Variants in AAMDC observed in about 807,000 individuals in gnomAD.
The protein encoded by AAMDC is adipogenesis associated Mth938 domain containing, also known as mth938 domain-containing protein.
AAMDC carries 16 observed loss-of-function variants against 15.5 expected under a neutral mutation model. The observed-to-expected ratio is 1.03, with a 90% CI of 0.70 to 1.57. The LOEUF (loss-of-function observed/expected upper bound fraction) is 1.57, where lower values mean the gene tolerates loss of function less well. AAMDC is among the 40% of genes most tolerant of loss of function. The pLI is 0.00. For missense variants in AAMDC, 141 were observed against 144.9 expected, an observed-to-expected ratio of 0.97 and a Z score of 0.14; for synonymous variants, 51 against 51.6, an observed-to-expected ratio of 0.99 and a Z score of 0.05.
At chr11:77,825,128 C>G (rs1441473138) in intron 1 of AAMDC, among the ~76,000 whole-genome samples, 1 of 151,924 alleles carries the variant, frequency 6.6e-6, no homozygotes, top group Non-Finnish European at 1.5e-5. Context: ...CTACAGGCGT[C>G]TGCCACCATG....
downstream of AAMDC, chr11:77,872,447 T>G: frequency 9.1e-7 from 1 of 1,104,734 alleles, no homozygotes; most frequent in Non-Finnish European, 1.2e-6. Flanking sequence ...GCTCTTGGGA[T>G]GCAGGGATGA....
rs71046921 is a variant in AAMDC, at chr11:77,895,527, GAAAAAAAAAAAA to G, written c.329-5025_329-5014del. ...CAACATTCATTCTAATTCTTTTCCT[GAAAAAAAAAAAA>G]AAAAAAAAAAAAAAAAAAGTAGCAC... is the stretch of plus-strand genomic sequence containing the variant. On this transcript the variant is annotated intron_variant, in intron 5 of 5. Coordinates refer to the AAMDC transcript ENST00000304716. Among the ~76,000 whole-genome samples the G allele has an allele frequency of 7.2e-3, 284 of 39,266 alleles. 5 individuals are homozygous for G. The highest frequency in any genetic ancestry group is 0.057 in the Admixed American group (136 of 2,404). The allele number at this position is 39,266 out of a possible 152,430, so 25.8% of individuals were successfully genotyped here.
intron 2 of AAMDC, among the ~76,000 whole-genome samples, chr11:77,863,886 C>A (rs892224489): frequency 6.6e-6 from 1 of 151,970 alleles, no homozygotes; most frequent in Non-Finnish European, 1.5e-5. Flanking sequence ...TTAAAGTCAG[C>A]AATTATGATA....
intron 5 of AAMDC, among the ~76,000 whole-genome samples, chr11:77,899,453 C>T (rs1322732884): frequency 6.6e-6 from 1 of 152,028 alleles, no homozygotes; most frequent in Non-Finnish European, 1.5e-5. Flanking sequence ...GGGTGGATCA[C>T]CTGAGTTCAG....
At chr11:77,898,699 T>C (rs2136428550) in intron 5 of AAMDC, among the ~76,000 whole-genome samples, 1 of 152,342 alleles carries the variant, frequency 6.6e-6, no homozygotes, top group South Asian at 2.1e-4. Flanking sequence ...ATAATGGATG[T>C]GACAGACACT....
intron 1 of AAMDC, among the ~76,000 whole-genome samples, chr11:77,832,240 C>CAT (rs2136077577): frequency 6.6e-6 from 1 of 152,174 alleles, no homozygotes; most frequent in East Asian, 1.9e-4. Context: ...CCATCAACAT[C>CAT]ATATATTTCT....
chr11:77,846,521 A>G (rs542433606), intron 2 of AAMDC, among the ~76,000 whole-genome samples: 4 of 152,316 alleles, frequency 2.6e-5, no homozygotes, highest in African/African-American at 9.6e-5. Context: ...AGCCTGACCA[A>G]CGTGGAGAAA....
rs569147965 is a variant in AAMDC, at chr11:77,858,067, G to A, written c.133-11655G>A. Among the ~76,000 whole-genome samples, 49 of 152,164 alleles carry A rather than the reference G, an allele frequency of 3.2e-4. No homozygotes were observed. In the East Asian group the frequency reaches 6.2e-3, roughly 19 times the overall value. Reference sequence around the variant, plus strand: ...TGTCCCTCACAGGGTGACCCAGGCTGGAGTACAGTGGTATGATCATATTTC... The same window carrying A: ...TGTCCCTCACAGGGTGACCCAGGCTAGAGTACAGTGGTATGATCATATTTC... On this transcript the variant is annotated intron_variant, in intron 2 of 3. Coordinates refer to ENST00000393427, the MANE Select transcript of AAMDC (RefSeq NM_024684.4).
chr11:77,880,720 G>A (rs974132810), intron 5 of AAMDC, among the ~76,000 whole-genome samples: 1 of 152,180 alleles, frequency 6.6e-6, no homozygotes, highest in African/African-American at 2.4e-5. Context: ...CACTTTGGGA[G>A]GGCAAGGCAG....
At chr11:77,838,332 G>A (rs570963373) in intron 1 of AAMDC, among the ~76,000 whole-genome samples, 2 of 152,288 alleles carry the variant, frequency 1.3e-5, no homozygotes, top group Admixed American at 1.3e-4. Context: ...AACATCTACA[G>A]TCAGTAGACT....
At chr11:77,831,291 G>A (rs932376215) in intron 1 of AAMDC, among the ~76,000 whole-genome samples, 1 of 152,122 alleles carries the variant, frequency 6.6e-6, no homozygotes, top group African/African-American at 2.4e-5. Flanking sequence ...CAGTCTGATA[G>A]CTCCTCAAAA....
At chr11:77,868,760 TC>T in intron 2 of AAMDC, 1 of 233,630 alleles carries the variant, frequency 4.3e-6, no homozygotes, top group Admixed American at 4.2e-5. Flanking sequence ...TCAGGCTCCT[TC>T]CCACTGGTTC....
rs7104059 is a variant in AAMDC at position 77,824,612 on chromosome 11, G to A, written c.-19+3371G>A. On this transcript the variant is annotated intron_variant, in intron 1 of 3. Coordinates refer to ENST00000393427, the MANE Select transcript of AAMDC (RefSeq NM_024684.4). ...TTAAAAACATGTTGAGTAAAAGAAG[G>A]CAGACACAAAAGAGTTAGGTACTGT... Among the ~76,000 whole-genome samples, 555 of 152,240 alleles carry A rather than the reference G, an allele frequency of 3.6e-3. 1 individual carries two copies. The highest frequency in any genetic ancestry group is 5.9e-3 in the Non-Finnish European group (399 of 68,006).
intron 2 of AAMDC, among the ~76,000 whole-genome samples, chr11:77,846,528 GA>G (rs959059765): frequency 1.2e-4 from 18 of 152,178 alleles, no homozygotes; most frequent in African/African-American, 3.9e-4. Flanking sequence ...CCAACGTGGA[GA>G]AACCCCGTCT....
intron 5 of AAMDC, among the ~76,000 whole-genome samples, chr11:77,890,661 A>G (rs1306226538): frequency 1.3e-5 from 2 of 152,130 alleles, no homozygotes; most frequent in Non-Finnish European, 2.9e-5. Flanking sequence ...ACACCCCGAG[A>G]GGAAGAACTG....
chr11:77,878,173 T>C (rs144028816), intron 5 of AAMDC, among the ~76,000 whole-genome samples: 2,895 of 152,020 alleles, frequency 0.019, 96 homozygotes, highest in African/African-American at 0.065. Flanking sequence ...CCATCCTGGC[T>C]AACATGGTGA....
chr11:77,836,073 ATGT>A (rs763812425), intron 1 of AAMDC, among the ~76,000 whole-genome samples: 1 of 152,156 alleles, frequency 6.6e-6, no homozygotes, highest in Non-Finnish European at 1.5e-5. Context: ...TCCAATCTTG[ATGT>A]TGTTGAGATA....
intron 5 of AAMDC, among the ~76,000 whole-genome samples, chr11:77,895,862 C>G (rs1294709327): frequency 1.3e-5 from 2 of 152,158 alleles, no homozygotes; most frequent in Non-Finnish European, 2.9e-5. Context: ...AAGTAGGCCT[C>G]TAAGAACTCC....
chr11:77,867,145 T>C (rs1248158048), intron 2 of AAMDC, among the ~76,000 whole-genome samples: 2 of 152,192 alleles, frequency 1.3e-5, no homozygotes, highest in Non-Finnish European at 2.9e-5. Flanking sequence ...CCGGCCCCCA[T>C]GCCTTTCATA....
Sources: gnomAD v4.1 joint callset for allele counts (sites outside exome capture counted in the v4.1 genomes callset) on GRCh38, gnomAD v4.1.1 for gene constraint, MANE v1.5 for transcripts, NCBI Gene and HGNC (gene_info 2026-07-23, HGNC 2026-07-21) for gene names.